The following OR4P4 variants were observed in gnomAD, a reference collection of about 807,000 sequenced individuals.
OR4P4 encodes the protein olfactory receptor 4P4.
In OR4P4, 1 loss-of-function variant was observed where a neutral mutation model predicts 2.1. The observed-to-expected ratio is 0.47, with a 90% CI of 0.17 to 2.21. OR4P4 has a LOEUF of 2.21. OR4P4 is among the 30% of genes most tolerant of loss of function. The pLI, the probability that OR4P4 is intolerant of heterozygous loss-of-function variation, is 0.27. For missense variants in OR4P4, 375 were observed against 376.5 expected, an observed-to-expected ratio of 1.00 and a Z score of 0.03; for synonymous variants, 129 against 133.2, an observed-to-expected ratio of 0.97 and a Z score of 0.22.
chr11:55,638,346 C>G lies in OR4P4; in HGVS notation c.-12C>G, dbSNP rs758022120. On this transcript the variant is annotated 5_prime_UTR_variant, in exon 2 of 2. The change creates a new upstream start codon in the 5' untranslated region. Coordinates refer to ENST00000641760, the Ensembl canonical transcript of OR4P4. ...ATTTCAGGTGACTTATATGTTCTAT[C>G]TACACTGGACCATGGAAAAAAGCAA... 21 of 1,203,008 alleles carry G rather than the reference C, an allele frequency of 1.7e-5. No homozygotes were observed. The African/African-American group carries it at 2.7e-4, about 15-fold the overall frequency. 74.5% of individuals were successfully genotyped at this position (1,203,008 alleles called of 1,614,324 possible). A position where few individuals can be genotyped will look rare whatever the true frequency, so the allele number is the denominator to read the frequency against.
At position 55,636,371 on chromosome 11, in the gene OR4P4, C is replaced by T. The variant is rs1173156019; in HGVS notation, c.-31+1155C>T. On this transcript the variant is annotated intron_variant, in intron 1 of 1. Transcript: ENST00000641760. The stretch of plus-strand genomic sequence containing the variant: ...ATTCAGTTTGTGTTTTTAATAAATA[C>T]TTTGGCCTAATTTATAGTTCTATAT... Among the ~76,000 whole-genome samples the T allele has an allele frequency of 2.2e-5, 3 of 137,924 alleles. 1 individual carries two copies. The highest frequency in any genetic ancestry group is 4.9e-5 in the Non-Finnish European group (3 of 61,758). The allele number at this position is 137,924 out of a possible 152,430, so 90.5% of individuals were successfully genotyped here.
Position 55,639,214 on chromosome 11 carries a change from C to T in OR4P4, c.857C>T (p.Thr286Met), listed in dbSNP as rs761961138. The T allele has an allele frequency of 1.3e-5, 19 of 1,488,036 alleles. 5 individuals are homozygous for T. The highest frequency in any genetic ancestry group is 5.2e-5 in the East Asian group (2 of 38,764). The allele number at this position is 1,488,036 out of a possible 1,614,324, so 92.2% of individuals were successfully genotyped here. Residue 286 changes from threonine to methionine, a missense_variant, in exon 2 of 2, where the codon ACG (threonine) becomes ATG (methionine). By Grantham distance (81) the Thr-to-Met change is moderately conservative. Transcript: ENST00000641760. ...CCCATGTTCAACCCTCTCATATACA[C>T]GCTGAGAAACACAGAGATGAAGAAC...
rs750882762 is a variant in OR4P4, at chr11:55,638,242, A to C, written c.-30-86A>C. 40 of 581,146 alleles carry C rather than the reference A, an allele frequency of 6.9e-5. 6 individuals are homozygous for C. The highest frequency in any genetic ancestry group is 1.1e-4 in the Non-Finnish European group (38 of 345,868). 36.0% of individuals were successfully genotyped at this position (581,146 alleles called of 1,614,324 possible). ...TCTCTGAACCACTTGAATGAGGTAAATTAAATCTAGCTAGTTCCTCAAATA... is the reference window on the plus strand; with the variant it reads ...TCTCTGAACCACTTGAATGAGGTAACTTAAATCTAGCTAGTTCCTCAAATA... On this transcript the variant is annotated intron_variant, in intron 1 of 1. Coordinates refer to ENST00000641760, the Ensembl canonical transcript of OR4P4.
In OR4P4 at chr11:55,638,471, G is replaced by A. The variant is rs1433062437; in HGVS notation, c.114G>A (p.Met38Ile). ...TGTTTTGCTACATTGCTATTTGGATGGGAAACTTACTCATAATGATTTCTA... is the reference window on the plus strand; with the variant it reads ...TGTTTTGCTACATTGCTATTTGGATAGGAAACTTACTCATAATGATTTCTA... The change falls in exon 2 of 2, where the codon ATG (methionine) becomes ATA (isoleucine). Residue 38 changes from methionine (M) to isoleucine (I), a missense_variant. Coordinates refer to ENST00000641760, the Ensembl canonical transcript of OR4P4. The A allele has an allele frequency of 3.4e-6, 5 of 1,471,678 alleles. 1 individual carries two copies. Among genetic ancestry groups the A allele is most frequent in the South Asian group, 1.2e-5 (1 of 84,308 alleles). 91.2% of individuals were successfully genotyped at this position (1,471,678 alleles called of 1,614,324 possible).
chr11:55,639,356 T>C, exon 2 of OR4P4: 1 of 940,252 alleles, frequency 1.1e-6, no homozygotes, highest in Non-Finnish European at 1.5e-6. Context: ...ACTCTCATCT[T>C]GCTCTTGTCC....
chr11:55,638,703 A>T, exon 2 of OR4P4: 1 of 1,491,274 alleles, frequency 6.7e-7, no homozygotes, highest in Non-Finnish European at 9.1e-7. Context: ...TCTCACAGGG[A>T]TGGCCTATGA....
In OR4P4 at chr11:55,638,647, T is replaced by C. The variant is rs1858418867; in HGVS notation, c.290T>C (p.Ile97Thr). ...ACCATTTCCTATAATAACTGTATGATACAACTCTTTACCACCCATTTTTTT... is the reference window on the plus strand; with the variant it reads ...ACCATTTCCTATAATAACTGTATGACACAACTCTTTACCACCCATTTTTTT... The change falls in exon 2 of 2, where the codon ATA (isoleucine) becomes ACA (threonine). Residue 97 changes from isoleucine to threonine, a missense_variant. Ile to Thr is a moderately conservative substitution (Grantham distance 89). Transcript: ENST00000641760. The C allele has an allele frequency of 6.0e-6, 9 of 1,492,632 alleles. 3 individuals are homozygous for C. Among genetic ancestry groups the C allele is most frequent in the Non-Finnish European group, 8.2e-6 (9 of 1,097,156 alleles). 92.5% of individuals were successfully genotyped at this position (1,492,632 alleles called of 1,614,324 possible).
At chr11:55,638,893 T>A (rs1858424055) in exon 2 of OR4P4, 1 of 1,493,530 alleles carries the variant, frequency 6.7e-7, no homozygotes, top group South Asian at 1.2e-5. Context: ...TTCTGTGATG[T>A]GTATCCTTTG....
rs757251375 is a variant in OR4P4, at chr11:55,636,479, G to A, written c.-31+1263G>A. Among the ~76,000 whole-genome samples the A allele has an allele frequency of 3.9e-4, 54 of 137,996 alleles. 11 individuals are homozygous for A. The highest frequency in any genetic ancestry group is 7.6e-4 in the Non-Finnish European group (47 of 61,792). 90.5% of individuals were successfully genotyped at this position (137,996 alleles called of 152,430 possible). ...ATTCAAGAAGTGTCCTACTTTGCCT[G>A]AGAAATTCAGACATGTATGCAAACT... On this transcript the variant is annotated intron_variant, in intron 1 of 1. Coordinates refer to ENST00000641760, the Ensembl canonical transcript of OR4P4.
exon 2 of OR4P4, chr11:55,639,560 G>A (rs1458036101): frequency 9.8e-6 from 3 of 305,888 alleles, no homozygotes; most frequent in African/African-American, 6.4e-5. Flanking sequence ...GGATTACATG[G>A]CGTTGTGTTG....
chr11:55,639,299 T>C lies in OR4P4; in HGVS notation c.*3T>C, dbSNP rs1858431689. The C allele has an allele frequency of 2.2e-6, 3 of 1,366,468 alleles. 1 individual carries two copies. The East Asian group carries it at 8.0e-5, about 36-fold the overall frequency. The allele number at this position is 1,366,468 out of a possible 1,614,324, so 84.6% of individuals were successfully genotyped here. The stretch of plus-strand genomic sequence containing the variant: ...TGAAAAGAAATCAACTTTTCTGAAT[T>C]GTTTCTGCTTTTCATGCCGTGGTTC... On this transcript the variant is annotated 3_prime_UTR_variant, in exon 2 of 2. Coordinates refer to ENST00000641760, the Ensembl canonical transcript of OR4P4.
At chr11:55,637,316 G>T (rs1345243870) in intron 1 of OR4P4, among the ~76,000 whole-genome samples, 3 of 137,818 alleles carry the variant, frequency 2.2e-5, no homozygotes, top group Non-Finnish European at 4.9e-5. Flanking sequence ...TTGTGAAAAT[G>T]GAAATGTATA....
intron 1 of OR4P4, among the ~76,000 whole-genome samples, chr11:55,637,454 C>A (rs545748044): frequency 2.2e-5 from 3 of 137,668 alleles, no homozygotes; most frequent in African/African-American, 2.5e-5. Flanking sequence ...AAGATCATAA[C>A]CTTTTTCTCA....
At chr11:55,638,000 A>T (rs1858408441) in intron 1 of OR4P4, among the ~76,000 whole-genome samples, 1 of 138,458 alleles carries the variant, frequency 7.2e-6, no homozygotes, top group East Asian at 2.3e-4. Flanking sequence ...CTTTGCAAGG[A>T]ATTATTTTGT....
rs1205599113 is a variant in OR4P4 at position 55,638,038 on chromosome 11, T to A, written c.-30-290T>A. ...TACAATATTGTATATTACATTAGACTTTGGAAATAAACATTCCCTATGATA... is the reference window on the plus strand; with the variant it reads ...TACAATATTGTATATTACATTAGACATTGGAAATAAACATTCCCTATGATA... On this transcript the variant is annotated intron_variant, in intron 1 of 1. Coordinates refer to ENST00000641760, the Ensembl canonical transcript of OR4P4. Among the ~76,000 whole-genome samples, 19 of 138,324 alleles carry A rather than the reference T, an allele frequency of 1.4e-4. 4 individuals carry two copies. In the Admixed American group the frequency reaches 1.5e-3, roughly 11 times the overall value. 90.7% of individuals were successfully genotyped at this position (138,324 alleles called of 152,430 possible).
At position 55,638,321 on chromosome 11, in the gene OR4P4, A is replaced by C; in HGVS notation, c.-30-7A>C. The C allele has an allele frequency of 1.1e-6, 1 of 920,256 alleles. No homozygotes were observed. Among genetic ancestry groups the C allele is most frequent in the South Asian group, 2.0e-5 (1 of 49,512 alleles). The allele number at this position is 920,256 out of a possible 1,614,324, so 57.0% of individuals were successfully genotyped here. ...GACTTGTAAGCTTATAAATTATGTC[A>C]TTTCAGGTGACTTATATGTTCTATC... On this transcript the variant is annotated splice_polypyrimidine_tract_variant and splice_region_variant and intron_variant, in intron 1 of 1. Coordinates refer to ENST00000641760, the Ensembl canonical transcript of OR4P4.
intron 1 of OR4P4, among the ~76,000 whole-genome samples, chr11:55,637,577 G>A (rs1166393117): frequency 7.3e-6 from 1 of 137,620 alleles, no homozygotes; most frequent in African/African-American, 2.5e-5. Context: ...TGGTAACAAT[G>A]TTAACTTGGT....
Position 55,637,759 on chromosome 11 carries a change from T to C in OR4P4, c.-30-569T>C, listed in dbSNP as rs138820081. On this transcript the variant is annotated intron_variant, in intron 1 of 1. Coordinates refer to ENST00000641760, the Ensembl canonical transcript of OR4P4. ...GAAAGCAATGAAACACATTGGATAA[T>C]TCAGTGTCATCTTTGCAGCAACATT... is the stretch of plus-strand genomic sequence containing the variant. Among the ~76,000 whole-genome samples the C allele has an allele frequency of 1.2e-3, 165 of 138,398 alleles. 17 individuals are homozygous for C. Among genetic ancestry groups the C allele is most frequent in the African/African-American group, 3.8e-3 (154 of 40,062 alleles). 90.8% of individuals were successfully genotyped at this position (138,398 alleles called of 152,430 possible).
In OR4P4 at chr11:55,638,292, C is replaced by A. The variant is rs1213869438; in HGVS notation, c.-30-36C>A. The A allele has an allele frequency of 7.6e-5, 59 of 772,658 alleles. 10 individuals carry two copies. In the Admixed American group the frequency reaches 1.8e-3, roughly 24 times the overall value. 47.9% of individuals were successfully genotyped at this position (772,658 alleles called of 1,614,324 possible). On this transcript the variant is annotated intron_variant, in intron 1 of 1. Coordinates refer to ENST00000641760, the Ensembl canonical transcript of OR4P4. ...AAAATATGATCATTGTACTTCTTAACAAAGACTTGTAAGCTTATAAATTAT... is the reference window on the plus strand; with the variant it reads ...AAAATATGATCATTGTACTTCTTAAAAAAGACTTGTAAGCTTATAAATTAT...
Sources: gnomAD v4.1 joint callset for allele counts (sites outside exome capture counted in the v4.1 genomes callset) on GRCh38, gnomAD v4.1.1 for gene constraint, MANE v1.5 for transcripts, NCBI Gene and HGNC (gene_info 2026-07-23, HGNC 2026-07-21) for gene names.